Variants in ANKRD35 observed in about 807,000 individuals in gnomAD.
ANKRD35 encodes ankyrin repeat domain 35.
ANKRD35 carries 102 observed loss-of-function variants against 109.9 expected under a neutral mutation model. The ratio of observed to expected loss-of-function variants is 0.93; its 90% confidence interval spans 0.79 to 1.09. The LOEUF (loss-of-function observed/expected upper bound fraction) is 1.09. ANKRD35 is among the 50% of genes least tolerant of loss of function. ANKRD35 has a pLI of 0.00. For missense variants in ANKRD35, 1,240 were observed against 1,230.1 expected, an observed-to-expected ratio of 1.01 and a Z score of -0.12; for synonymous variants, 515 against 512.4, an observed-to-expected ratio of 1.01 and a Z score of -0.07.
chr1:145,877,232 G>GA (rs1654113960), intron 4 of ANKRD35, among the ~76,000 whole-genome samples: 2 of 142,336 alleles, frequency 1.4e-5, no homozygotes, highest in South Asian at 4.5e-4. Context: ...TAAGATAACT[G>GA]ATTTTTTTTT....
In ANKRD35 at chr1:145,867,312, G is replaced by A; in HGVS notation, c.*18C>T. ...AACAGAGAATCTCGTATCCCTGAGG[G>A]CACACAGTGAGGCTGCCTCACTCCT... is the stretch of plus-strand genomic sequence containing the variant. On this transcript the variant is annotated 3_prime_UTR_variant, in exon 13 of 14. Coordinates refer to ENST00000355594, the MANE Select transcript of ANKRD35 (RefSeq NM_144698.5). The A allele has an allele frequency of 6.2e-7, 1 of 1,611,254 alleles. No individual in the cohort carries two copies. The highest frequency in any genetic ancestry group is 8.5e-7 in the Non-Finnish European group (1 of 1,177,656).
chr1:145,881,650 C>T (rs782126828), intron 1 of ANKRD35, among the ~76,000 whole-genome samples: 1 of 152,144 alleles, frequency 6.6e-6, no homozygotes, highest in African/African-American at 2.4e-5. Flanking sequence ...CTGCAGTTCT[C>T]GAAATGTTTC....
chr1:145,868,953 A>G (rs1653704165), intron 10 of ANKRD35, among the ~76,000 whole-genome samples: 1 of 152,138 alleles, frequency 6.6e-6, no homozygotes, highest in Non-Finnish European at 1.5e-5. Context: ...TAAAAATTGC[A>G]TTGTTTTTAT....
intron 1 of ANKRD35, among the ~76,000 whole-genome samples, chr1:145,881,119 C>T (rs1047864772): frequency 6.6e-6 from 1 of 152,188 alleles, no homozygotes; most frequent in Non-Finnish European, 1.5e-5. Context: ...AACCCCGTCT[C>T]TACTAAAAAT....
Position 145,872,767 on chromosome 1 carries a change from G to A in ANKRD35, c.2002C>T (p.Gln668Ter), listed in dbSNP as rs1256755000. Residue 668 changes from glutamine (Q) to a stop codon, truncating the protein, a stop_gained, in exon 10 of 14, where the codon CAG becomes TAG. Transcript: ENST00000355594. LOFTEE classifies it high-confidence loss of function. ...PKPQAQVQLQ[Q>*]LRQSVGLLTN... ...AGCAGCCCCACACTCTGTCGCAACTGCTGTAGCTGGACCTGCGCCTGTGGC... is the reference window on the plus strand; with the variant it reads ...AGCAGCCCCACACTCTGTCGCAACTACTGTAGCTGGACCTGCGCCTGTGGC... 2 of 1,614,032 alleles carry A rather than the reference G, an allele frequency of 1.2e-6. No individual in the cohort carries two copies. The highest frequency in any genetic ancestry group is 2.2e-5 in the East Asian group (1 of 44,884).
At chr1:145,879,502 T>C (rs1178236715) in intron 1 of ANKRD35, 114 bp from the exon 2 acceptor site, 2 of 1,218,892 alleles carry the variant, frequency 1.6e-6, no homozygotes, top group African/African-American at 1.6e-5. Context: ...CTTTTTCTCT[T>C]CCACAAGTCA....
chr1:145,880,517 A>G (rs1553740920), intron 1 of ANKRD35, among the ~76,000 whole-genome samples: 5 of 152,236 alleles, frequency 3.3e-5, no homozygotes, highest in African/African-American at 1.2e-4. Flanking sequence ...TGACTATTAA[A>G]CAAGCTAATA....
Position 145,873,464 on chromosome 1 carries a change from G to A in ANKRD35, c.1305C>T (p.Thr435=). The change falls in exon 10 of 14, where the codon ACC becomes ACT. Residue 435 remains threonine (T), a synonymous_variant. Coordinates refer to ENST00000355594, the MANE Select transcript of ANKRD35 (RefSeq NM_144698.5). ...QGPPQSPASE[T]IRKATGQQLT... ...GTTGCTGTCCTGTGGCTTTCCTGATGGTCTCAGACGCTGGGCTCTGGGGTG... is the reference window on the plus strand; with the variant it reads ...GTTGCTGTCCTGTGGCTTTCCTGATAGTCTCAGACGCTGGGCTCTGGGGTG... 1 of 1,613,848 alleles carries A rather than the reference G, an allele frequency of 6.2e-7. No individual in the cohort carries two copies. Among genetic ancestry groups the A allele is most frequent in the South Asian group, 1.1e-5 (1 of 91,054 alleles).
Sources: gnomAD v4.1 joint callset for allele counts (sites outside exome capture counted in the v4.1 genomes callset) on GRCh38, gnomAD v4.1.1 for gene constraint, MANE v1.5 for transcripts, NCBI Gene and HGNC (gene_info 2026-07-23, HGNC 2026-07-21) for gene names.